Variants in TRPM3 observed in about 807,000 individuals in gnomAD.
TRPM3 encodes the protein transient receptor potential cation channel subfamily M member 3, also known as long transient receptor potential channel 3.
Under a neutral mutation model 181.2 loss-of-function variants are expected in TRPM3, and 77 were observed. The observed-to-expected ratio is 0.42, with a 90% CI of 0.35 to 0.51. TRPM3 has a LOEUF of 0.51. Ranked by LOEUF, TRPM3 falls within the 20% of genes least tolerant of loss-of-function variation. The probability of loss-of-function intolerance (pLI) is 0.01; values close to 1 mark genes in which losing one functional copy is unlikely to be tolerated. For missense variants in TRPM3, 1,759 were observed against 2,196.7 expected, an observed-to-expected ratio of 0.80 and a Z score of 3.98; for synonymous variants, 745 against 796.4, an observed-to-expected ratio of 0.94 and a Z score of 1.09.
At chr9:71,080,893 G>C (rs2064208956) in intron 1 of TRPM3, among the ~76,000 whole-genome samples, 1 of 152,168 alleles carries the variant, frequency 6.6e-6, no homozygotes, top group Non-Finnish European at 1.5e-5. Flanking sequence ...CAGTAAGCAT[G>C]AACGTCCTTA....
intron 8 of TRPM3, 111 bp from the exon 9 acceptor site, chr9:70,681,689 C>A: frequency 1.1e-6 from 1 of 911,442 alleles, no homozygotes; most frequent in Non-Finnish European, 1.8e-6. Context: ...AAAGTAGATT[C>A]TTAACCACAG....
chr9:70,690,095 T>C (rs1174736523), intron 8 of TRPM3, among the ~76,000 whole-genome samples: 3 of 152,048 alleles, frequency 2.0e-5, no homozygotes, highest in Non-Finnish European at 4.4e-5. Context: ...AAAATGAAAA[T>C]AAACATGATA....
chr9:70,938,456 GTC>G (rs1196446013), intron 1 of TRPM3, among the ~76,000 whole-genome samples: 1 of 152,036 alleles, frequency 6.6e-6, no homozygotes, highest in Non-Finnish European at 1.5e-5. Flanking sequence ...TGGTGAATAT[GTC>G]TCTATTTAAT....
At chr9:71,110,079 T>A (rs2070724887) in intron 1 of TRPM3, among the ~76,000 whole-genome samples, 1 of 152,160 alleles carries the variant, frequency 6.6e-6, no homozygotes, top group South Asian at 2.1e-4. Flanking sequence ...CTACCCCTCA[T>A]AAGATAGCCC....
intron 1 of TRPM3, among the ~76,000 whole-genome samples, chr9:71,079,410 C>T (rs1021499465): frequency 2.0e-5 from 3 of 152,120 alleles, no homozygotes; most frequent in Non-Finnish European, 2.9e-5. Context: ...GAAAGGTGTG[C>T]TGTAATAAAG....
intron 22 of TRPM3, among the ~76,000 whole-genome samples, chr9:70,575,490 A>T (rs971831939): frequency 6.6e-6 from 1 of 152,072 alleles, no homozygotes; most frequent in Non-Finnish European, 1.5e-5. Context: ...ATGACACATC[A>T]CCAGTGCTAT....
intron 22 of TRPM3, among the ~76,000 whole-genome samples, chr9:70,578,166 T>TG (rs2054553343): frequency 6.6e-6 from 1 of 152,160 alleles, no homozygotes; most frequent in African/African-American, 2.4e-5. Context: ...AATCTTATCA[T>TG]GGGGGGTTTG....
intron 1 of TRPM3, among the ~76,000 whole-genome samples, chr9:71,344,434 G>C (rs1248003174): frequency 6.6e-6 from 1 of 151,666 alleles, no homozygotes; most frequent in Non-Finnish European, 1.5e-5. Flanking sequence ...CTGGGAGATA[G>C]AGTGAGACTC....
At chr9:71,124,306 GAAAA>G (rs80222499), upstream of TRPM3, among the ~76,000 whole-genome samples, 2 of 123,922 alleles carry the variant, frequency 1.6e-5, no homozygotes, top group African/African-American at 3.0e-5. Flanking sequence ...GGTCTAATGA[GAAAA>G]AAAAAAAAAA....
In TRPM3 at chr9:70,582,926, G is replaced by A. The variant is rs143310432; in HGVS notation, c.3223+8105C>T. ...AACATGTGGGTTATGTCTAGGATGC[G>A]TGGAACCTATGTGTTTATTTTTATT... On this transcript the variant is annotated intron_variant, in intron 22 of 25. Transcript: ENST00000677713. 2.4e-3 allele frequency among the ~76,000 whole-genome samples: 365 copies of A among 152,300 alleles called. 1 individual carries two copies. Among genetic ancestry groups the A allele is most frequent in the East Asian group, 6.6e-3 (34 of 5,182 alleles).
chr9:71,191,503 C>T (rs1189777724), intron 1 of TRPM3, among the ~76,000 whole-genome samples: 6 of 151,670 alleles, frequency 4.0e-5, no homozygotes, highest in Middle Eastern at 3.4e-3. Context: ...ATGTATTTGT[C>T]GTCCTTCTTT....
At chr9:71,186,350 C>T (rs10512009) in intron 1 of TRPM3, among the ~76,000 whole-genome samples, 36,738 of 151,932 alleles carry the variant, frequency 0.24, 4,829 homozygotes, top group East Asian at 0.35. Flanking sequence ...ATAGCCAATG[C>T]ATTTAAACTA....
rs553183285 is a variant in TRPM3 at position 71,064,852 on chromosome 9, T to C, written c.177+56326A>G. Among the ~76,000 whole-genome samples, 10 of 152,280 alleles carry C rather than the reference T, an allele frequency of 6.6e-5. No homozygotes were observed. The East Asian group carries it at 1.5e-3, about 24-fold the overall frequency. ...AATTTTTACAGACATTATTGGTTTA[T>C]TGCTATCTTCTTATTAGCCCAGAAA... On this transcript the variant is annotated intron_variant, in intron 1 of 25. Coordinates refer to ENST00000677713, the MANE Select transcript of TRPM3 (RefSeq NM_001366145.2).
At chr9:70,747,326 A>G (rs1457938391) in intron 8 of TRPM3, among the ~76,000 whole-genome samples, 2 of 152,174 alleles carry the variant, frequency 1.3e-5, no homozygotes, top group Non-Finnish European at 2.9e-5. Flanking sequence ...AAATGCAGAC[A>G]TGTGCACGGG....
intron 1 of TRPM3, among the ~76,000 whole-genome samples, chr9:70,906,967 GAGAT>G (rs1391059145): frequency 6.6e-6 from 1 of 152,112 alleles, no homozygotes; most frequent in Non-Finnish European, 1.5e-5. Context: ...GAGAAATTCT[GAGAT>G]AAATAAGCTA....
At chr9:71,147,744 T>C (rs2075501634) in intron 1 of TRPM3, among the ~76,000 whole-genome samples, 2 of 152,164 alleles carry the variant, frequency 1.3e-5, no homozygotes, top group African/African-American at 4.8e-5. Context: ...CCAAGCCTGC[T>C]GATTCAAGTT....
At chr9:70,689,930 A>G (rs1006994153) in intron 8 of TRPM3, among the ~76,000 whole-genome samples, 5 of 152,140 alleles carry the variant, frequency 3.3e-5, no homozygotes, top group African/African-American at 1.2e-4. Flanking sequence ...AGCAGGTCTT[A>G]CAGTTAAATA....
intron 1 of TRPM3, among the ~76,000 whole-genome samples, chr9:71,342,253 G>A (rs539646420): frequency 3.2e-3 from 76 of 23,498 alleles, no homozygotes; most frequent in Admixed American, 0.019. Context: ...TCTTTAAATA[G>A]GTGTATATAT....
At chr9:70,700,006 A>AGAG (rs2071890189) in intron 8 of TRPM3, among the ~76,000 whole-genome samples, 1 of 152,130 alleles carries the variant, frequency 6.6e-6, no homozygotes, top group Non-Finnish European at 1.5e-5. Flanking sequence ...TTCGTGAGAC[A>AGAG]GAGTCTCGCT....
Sources: allele counts gnomAD v4.1 joint callset (sites outside exome capture counted in the v4.1 genomes callset), GRCh38; gene constraint gnomAD v4.1.1; transcripts MANE v1.5; gene names NCBI Gene and HGNC (gene_info 2026-07-23, HGNC 2026-07-21).